Variants in YY1 observed in about 807,000 individuals in gnomAD.
YY1 encodes YY1 transcription factor.
Under a neutral mutation model 35.6 loss-of-function variants are expected in YY1, and 2 were observed. That is an observed-to-expected ratio of 0.06 (90% CI 0.02 to 0.18). The LOEUF (loss-of-function observed/expected upper bound fraction) is 0.18. Among genes scored for constraint, YY1 ranks in the 10% least tolerant of loss-of-function variants. The probability of loss-of-function intolerance (pLI) is 1.00; values close to 1 mark genes in which losing one functional copy is unlikely to be tolerated. For synonymous variants in YY1, 268 were observed against 238.9 expected, an observed-to-expected ratio of 1.12 and a Z score of -1.12; for missense variants, 322 against 573.4, an observed-to-expected ratio of 0.56 and a Z score of 4.48.
chr14:100,246,071 C>T (rs1566769380), intron 1 of YY1, among the ~76,000 whole-genome samples: 2 of 151,882 alleles, frequency 1.3e-5, no homozygotes, highest in Admixed American at 6.6e-5. Flanking sequence ...AAACTGTGAC[C>T]CTCTCTAAGG....
chr14:100,248,513 A>G (rs1479673643), intron 1 of YY1, among the ~76,000 whole-genome samples: 1 of 151,716 alleles, frequency 6.6e-6, no homozygotes, highest in Non-Finnish European at 1.5e-5. Context: ...TTTTTTTGAG[A>G]CGGGTTTTTG....
At chr14:100,241,686 T>C (rs1278515872) in intron 1 of YY1, among the ~76,000 whole-genome samples, 2 of 152,284 alleles carry the variant, frequency 1.3e-5, no homozygotes, top group South Asian at 4.1e-4. Flanking sequence ...CTAAAAGTCA[T>C]GGTTTTGGCC....
chr14:100,251,769 T>A (rs1459080966), intron 1 of YY1, among the ~76,000 whole-genome samples: 1 of 151,188 alleles, frequency 6.6e-6, no homozygotes, highest in African/African-American at 2.4e-5. Context: ...CTTCCTCCCC[T>A]CCCCTCCCTT....
intron 1 of YY1, among the ~76,000 whole-genome samples, chr14:100,253,628 G>C (rs1890957609): frequency 6.6e-6 from 1 of 152,036 alleles, no homozygotes; most frequent in African/African-American, 2.4e-5. Context: ...TTAACCTCAG[G>C]TGACCAGCCT....
Position 100,277,204 on chromosome 14 carries a change from T to G in YY1, c.1063-214T>G. 2 of 610,844 alleles carry G rather than the reference T, an allele frequency of 3.3e-6. No homozygotes were observed. Among genetic ancestry groups the G allele is most frequent in the Middle Eastern group, 4.4e-4 (1 of 2,294 alleles). The allele number at this position is 610,844 out of a possible 1,614,324, so 37.8% of individuals were successfully genotyped here. Reference sequence around the variant, plus strand: ...TAGGAAGACTTGCCATTTTGCCAAGTGTTTTAAACAGTTCGTGAGGGCTCT... The same window carrying G: ...TAGGAAGACTTGCCATTTTGCCAAGGGTTTTAAACAGTTCGTGAGGGCTCT... On this transcript the variant is annotated intron_variant, in intron 4 of 4. Transcript: ENST00000262238. This position sits in a 1 kb window ranked among gnomAD's most constrained non-coding sequence, Gnocchi z 5.6.
chr14:100,278,809 G>A lies in YY1; in HGVS notation c.*1209G>A, dbSNP rs1365675848. The stretch of plus-strand genomic sequence containing the variant: ...ACCGCGCAGGCTGAGCGCCTGCGCA[G>A]GGTAAGGTGCCACCTGGCAGTGGGG... On this transcript the variant is annotated 3_prime_UTR_variant, in exon 5 of 5. Coordinates refer to ENST00000262238, the MANE Select transcript of YY1 (RefSeq NM_003403.5). 6.6e-6 allele frequency: 1 copy of A among 152,282 alleles called. No individual in the cohort carries two copies. The highest frequency in any genetic ancestry group is 2.4e-5 in the African/African-American group (1 of 41,468). The allele number at this position is 152,282 out of a possible 1,614,324, so 9.4% of individuals were successfully genotyped here. A position where few individuals can be genotyped will look rare whatever the true frequency, so the allele number is the denominator to read the frequency against.
intron 1 of YY1, among the ~76,000 whole-genome samples, chr14:100,260,446 TAC>T (rs71113252): frequency 9.0e-4 from 125 of 139,410 alleles, no homozygotes; most frequent in African/African-American, 3.3e-3. Flanking sequence ...TATATATATA[TAC>T]ACACACACAC....
In YY1 at chr14:100,276,204, G is replaced by A; in HGVS notation, c.904-286G>A. 2 of 417,780 alleles carry A rather than the reference G, an allele frequency of 4.8e-6. No individual in the cohort carries two copies. Among genetic ancestry groups the A allele is most frequent in the Non-Finnish European group, 8.9e-6 (2 of 223,998 alleles). The allele number at this position is 417,780 out of a possible 1,614,324, so 25.9% of individuals were successfully genotyped here. A position where few individuals can be genotyped will look rare whatever the true frequency, so the allele number is the denominator to read the frequency against. On this transcript the variant is annotated intron_variant, in intron 3 of 4. Coordinates refer to ENST00000262238, the MANE Select transcript of YY1 (RefSeq NM_003403.5). The surrounding 1 kb of genome is among the most constrained non-coding windows in gnomAD (Gnocchi z 4.1). The stretch of plus-strand genomic sequence containing the variant: ...GCCAGGGTGTTGGGTTCTATTCCCA[G>A]TTTGGCTACTACTAGTAGTGTGACC...
chr14:100,241,893 G>T (rs1890748918), intron 1 of YY1, among the ~76,000 whole-genome samples: 2 of 146,118 alleles, frequency 1.4e-5, no homozygotes, highest in Admixed American at 1.4e-4. Flanking sequence ...AGAATCGCTT[G>T]AACCCAGGAG....
At position 100,239,415 on chromosome 14, in the gene YY1, C is replaced by G; in HGVS notation, c.171C>G (p.Gly57=). ...EDDDDEDGGG[G]DHGGGGGHGH... ...ACGACGACGAGGACGGCGGCGGTGG[C>G]GACCACGGCGGCGGGGGCGGCCACG... Residue 57 remains glycine (G), a synonymous_variant, in exon 1 of 5, where the codon GGC becomes GGG. Coordinates refer to ENST00000262238, the MANE Select transcript of YY1 (RefSeq NM_003403.5). 1 of 1,595,068 alleles carries G rather than the reference C, an allele frequency of 6.3e-7. No individual in the cohort carries two copies. Among genetic ancestry groups the G allele is most frequent in the Non-Finnish European group, 8.5e-7 (1 of 1,172,258 alleles).
chr14:100,253,935 G>T (rs920666041), intron 1 of YY1, among the ~76,000 whole-genome samples: 1 of 152,050 alleles, frequency 6.6e-6, no homozygotes, highest in African/African-American at 2.4e-5. Context: ...GGTTCTAGCA[G>T]TTCTCCTGCC....
chr14:100,262,163 A>G (rs1035887419), intron 1 of YY1, 141 bp from the exon 2 acceptor site: 88 of 178,180 alleles, frequency 4.9e-4, no homozygotes, highest in African/African-American at 2.6e-3. Flanking sequence ...ACCGTTCTCC[A>G]AAAAAAAAAA....
At chr14:100,255,479 C>T (rs1461444994) in intron 1 of YY1, among the ~76,000 whole-genome samples, 4 of 151,922 alleles carry the variant, frequency 2.6e-5, no homozygotes, top group Non-Finnish European at 5.9e-5. Flanking sequence ...AATAGCTGAG[C>T]GTGGTGGTGT....
chr14:100,265,017 C>T (rs887361257), intron 2 of YY1, among the ~76,000 whole-genome samples: 1 of 151,812 alleles, frequency 6.6e-6, no homozygotes, highest in Non-Finnish European at 1.5e-5. Context: ...CATGGGAGGT[C>T]AAAGCTGCAG....
At chr14:100,267,857 G>GA (rs1891178349) in intron 2 of YY1, among the ~76,000 whole-genome samples, 1 of 152,234 alleles carries the variant, frequency 6.6e-6, no homozygotes, top group Non-Finnish European at 1.5e-5. Flanking sequence ...ATGTTCATCT[G>GA]AACAAATATC....
At position 100,274,715 on chromosome 14, in the gene YY1, T is replaced by A; in HGVS notation, c.860T>A (p.Ile287Asn). 1 of 1,613,956 alleles carries A rather than the reference T, an allele frequency of 6.2e-7. No homozygotes were observed. Among genetic ancestry groups the A allele is most frequent in the Non-Finnish European group, 8.5e-7 (1 of 1,179,918 alleles). The change falls in exon 3 of 5, where the codon ATT (isoleucine) becomes AAT (asparagine). Residue 287 changes from isoleucine (I) to asparagine (N), a missense_variant. Coordinates refer to ENST00000262238, the MANE Select transcript of YY1 (RefSeq NM_003403.5). ...AEFARMKPRK[I>N]KEDDAPRTIA... Reference sequence around the variant, plus strand: ...TTGATAAGAATGAAGCCAAGAAAAATTAAAGAAGATGATGCTCCAAGAACA... The same window carrying A: ...TTGATAAGAATGAAGCCAAGAAAAAATAAAGAAGATGATGCTCCAAGAACA...
chr14:100,268,291 C>T (rs80353463), intron 2 of YY1, among the ~76,000 whole-genome samples: 2 of 152,160 alleles, frequency 1.3e-5, no homozygotes, highest in African/African-American at 2.4e-5. Flanking sequence ...CAGTTACATA[C>T]GCACATGGGC....
chr14:100,268,351 T>G (rs1435452752), intron 2 of YY1, among the ~76,000 whole-genome samples: 1 of 152,200 alleles, frequency 6.6e-6, no homozygotes, highest in Non-Finnish European at 1.5e-5. Context: ...ATTGGGAAGG[T>G]GGACAGTCTA....
intron 1 of YY1, among the ~76,000 whole-genome samples, chr14:100,249,396 AGGCGT>A: frequency 6.6e-6 from 1 of 152,176 alleles, no homozygotes; most frequent in Non-Finnish European, 1.5e-5. Flanking sequence ...CTGGGATTAC[AGGCGT>A]GAGACACCGT....
Sources: allele counts gnomAD v4.1 joint callset (sites outside exome capture counted in the v4.1 genomes callset), GRCh38; gene constraint gnomAD v4.1.1; non-coding constraint Gnocchi (gnomAD v3.1); transcripts MANE v1.5; gene names NCBI Gene and HGNC (gene_info 2026-07-23, HGNC 2026-07-21).